Variants in MYO3B observed in about 807,000 individuals in gnomAD.
MYO3B encodes the protein myosin IIIB.
In MYO3B, 156 loss-of-function variants were observed where a neutral mutation model predicts 174.6. That is an observed-to-expected ratio of 0.89 (90% CI 0.78 to 1.02). MYO3B has a LOEUF of 1.02. Among genes scored for constraint, MYO3B ranks in the 50% least tolerant of loss-of-function variants. MYO3B has a pLI of 0.00. For missense variants in MYO3B, 1,632 were observed against 1,639.4 expected, an observed-to-expected ratio of 1.00 and a Z score of 0.08; for synonymous variants, 563 against 569.1, an observed-to-expected ratio of 0.99 and a Z score of 0.15.
intron 32 of MYO3B, among the ~76,000 whole-genome samples, chr2:170,614,968 C>T (rs1695356881): frequency 6.6e-6 from 1 of 152,170 alleles, no homozygotes; most frequent in Non-Finnish European, 1.5e-5. Flanking sequence ...GCCTCCAACA[C>T]AGTCTTGAAA....
intron 3 of MYO3B, among the ~76,000 whole-genome samples, chr2:170,207,712 G>A (rs985378237): frequency 2.6e-5 from 4 of 151,516 alleles, no homozygotes; most frequent in Admixed American, 6.6e-5. Flanking sequence ...AGTCTAAAGT[G>A]CATCCCAGGG....
At chr2:170,439,773 C>T (rs2094785402) in intron 22 of MYO3B, among the ~76,000 whole-genome samples, 1 of 152,170 alleles carries the variant, frequency 6.6e-6, no homozygotes, top group African/African-American at 2.4e-5. Flanking sequence ...CTCCACCTCC[C>T]AGGTTCACAC....
At chr2:170,631,455 A>T (rs1231104150) in intron 32 of MYO3B, among the ~76,000 whole-genome samples, 1 of 152,124 alleles carries the variant, frequency 6.6e-6, no homozygotes, top group Non-Finnish European at 1.5e-5. Context: ...GGGAGAATGG[A>T]ACCAAGCTGG....
chr2:170,368,449 C>T (rs1448268465), intron 8 of MYO3B, among the ~76,000 whole-genome samples: 1 of 152,210 alleles, frequency 6.6e-6, no homozygotes, highest in Non-Finnish European at 1.5e-5. Flanking sequence ...TCCAAATCAT[C>T]TTGAATAACA....
chr2:170,312,047 T>G (rs2105471745), intron 7 of MYO3B, among the ~76,000 whole-genome samples: 1 of 152,374 alleles, frequency 6.6e-6, no homozygotes, highest in African/African-American at 2.4e-5. Context: ...TGCTCTTTTC[T>G]TATTTTTCAA....
intron 7 of MYO3B, among the ~76,000 whole-genome samples, chr2:170,313,888 T>G (rs2093756544): frequency 1.3e-5 from 2 of 151,948 alleles, no homozygotes; most frequent in Non-Finnish European, 2.9e-5. Flanking sequence ...AGCTCAAAAT[T>G]GCAAGGAGAA....
chr2:170,501,889 G>A lies in MYO3B; in HGVS notation c.3370+24G>A, dbSNP rs768747666. On this transcript the variant is annotated intron_variant, in intron 28 of 34. Transcript: ENST00000408978. ...AGGTAATTAAAACATCATTTTCACA[G>A]TGTCCACTTGAAAATATTCTGTGAC... 7 of 1,460,400 alleles carry A rather than the reference G, an allele frequency of 4.8e-6. No homozygotes were observed. In the African/African-American group the frequency reaches 9.8e-5, roughly 20 times the overall value. 90.5% of individuals were successfully genotyped at this position (1,460,400 alleles called of 1,614,324 possible). A position where few individuals can be genotyped will look rare whatever the true frequency, so the allele number is the denominator to read the frequency against.
At position 170,402,839 on chromosome 2, in the gene MYO3B, C is replaced by T. The variant is rs374151208; in HGVS notation, c.2130-9C>T. The T allele has an allele frequency of 1.3e-6, 2 of 1,598,540 alleles. No homozygotes were observed. Among genetic ancestry groups the T allele is most frequent in the Non-Finnish European group, 1.7e-6 (2 of 1,168,998 alleles). The stretch of plus-strand genomic sequence containing the variant: ...CCCCTAAAGAGTTTTGTTCTTCTCT[C>T]TCATGCAGTAGTGCAGGAGGTGGAA... On this transcript the variant is annotated splice_polypyrimidine_tract_variant and intron_variant, in intron 18 of 34. Coordinates refer to ENST00000408978, the MANE Select transcript of MYO3B (RefSeq NM_138995.5).
chr2:170,478,329 G>A (rs550614947), intron 25 of MYO3B, among the ~76,000 whole-genome samples: 7 of 152,132 alleles, frequency 4.6e-5, no homozygotes, highest in South Asian at 4.2e-4. Context: ...AATTGAATGC[G>A]GGAGTGATTT....
chr2:170,426,338 C>CTT (rs529286958), intron 22 of MYO3B, among the ~76,000 whole-genome samples: 26 of 133,864 alleles, frequency 1.9e-4, no homozygotes, highest in African/African-American at 6.0e-4. Flanking sequence ...GACCTCATCG[C>CTT]TTTTTTTTTT....
intron 32 of MYO3B, among the ~76,000 whole-genome samples, chr2:170,607,527 A>G (rs1313989136): frequency 6.6e-6 from 1 of 151,474 alleles, no homozygotes; most frequent in Non-Finnish European, 1.5e-5. Context: ...CACTGGCCAA[A>G]GGAAGTTTCA....
chr2:170,369,498 AT>A, intron 9 of MYO3B, 121 bp downstream of exon 9: 1 of 1,148,038 alleles, frequency 8.7e-7, no homozygotes, highest in Non-Finnish European at 1.2e-6. Context: ...TAAGAGTTTT[AT>A]TTACATGACA....
At chr2:170,233,047 A>G (rs1348274573) in intron 6 of MYO3B, among the ~76,000 whole-genome samples, 1 of 152,218 alleles carries the variant, frequency 6.6e-6, no homozygotes, top group African/African-American at 2.4e-5. Flanking sequence ...TCACATTTAG[A>G]TATGTTCTTA....
In MYO3B at chr2:170,232,775, A is replaced by G. The variant is rs560439987; in HGVS notation, c.604-3216A>G. Among the ~76,000 whole-genome samples, 51 of 152,350 alleles carry G rather than the reference A, an allele frequency of 3.3e-4. No individual in the cohort carries two copies. The South Asian group carries it at 0.01, about 30-fold the overall frequency. ...TGACTTTCTCTTCCCAGGGCCTACT[A>G]TCATGCCAGACTAATGAGTACTCAA... is the stretch of plus-strand genomic sequence containing the variant. On this transcript the variant is annotated intron_variant, in intron 6 of 34. Transcript: ENST00000408978.
At chr2:170,517,077 G>A (rs1688364594) in intron 29 of MYO3B, among the ~76,000 whole-genome samples, 1 of 152,120 alleles carries the variant, frequency 6.6e-6, no homozygotes, top group Non-Finnish European at 1.5e-5. Context: ...AATTTCGGAT[G>A]CTGCCTTGAA....
intron 25 of MYO3B, among the ~76,000 whole-genome samples, chr2:170,476,830 A>G (rs1685347717): frequency 6.6e-6 from 1 of 151,908 alleles, no homozygotes; most frequent in African/African-American, 2.4e-5. Context: ...TCTTCTACCG[A>G]GTATTTCCCT....
chr2:170,472,963 A>T (rs904079869), intron 25 of MYO3B, among the ~76,000 whole-genome samples: 3 of 151,794 alleles, frequency 2.0e-5, no homozygotes, highest in African/African-American at 7.3e-5. Flanking sequence ...AGCCTCGCAA[A>T]CTGGTGGGAT....
In MYO3B at chr2:170,333,511, T is replaced by C. The variant is rs550395671; in HGVS notation, c.750-1874T>C. ...TAAATTCGTATGCAGAACAGATAAA[T>C]CATCTCCTTCCTCTAATCATTCTTC... On this transcript the variant is annotated intron_variant, in intron 7 of 34. Transcript: ENST00000408978. Among the ~76,000 whole-genome samples the C allele has an allele frequency of 1.3e-3, 196 of 152,298 alleles. 1 individual carries two copies. Among genetic ancestry groups the C allele is most frequent in the African/African-American group, 4.4e-3 (183 of 41,564 alleles).
intron 30 of MYO3B, among the ~76,000 whole-genome samples, chr2:170,529,091 A>AT (rs1689178638): frequency 6.6e-6 from 1 of 152,164 alleles, no homozygotes; most frequent in Admixed American, 6.5e-5. Context: ...TAAAAAGTCA[A>AT]TTTTTTAGTA....
Sources: allele counts gnomAD v4.1 joint callset (sites outside exome capture counted in the v4.1 genomes callset), GRCh38; gene constraint gnomAD v4.1.1; transcripts MANE v1.5; gene names NCBI Gene and HGNC (gene_info 2026-07-23, HGNC 2026-07-21).